GPC6: variants seen among roughly 807,000 people sequenced by gnomAD.
GPC6 encodes glypican 6.
GPC6 carries 14 observed loss-of-function variants against 55.2 expected under a neutral mutation model. The ratio of observed to expected loss-of-function variants is 0.25; its 90% CI spans 0.17 to 0.40. The LOEUF is 0.40. GPC6 is among the 10% of genes least tolerant of loss of function. The pLI, the probability that GPC6 is intolerant of heterozygous loss-of-function variation, is 1.00. For missense variants in GPC6, 641 were observed against 708.5 expected, an observed-to-expected ratio of 0.90 and a Z score of 1.08; for synonymous variants, 278 against 259.6, an observed-to-expected ratio of 1.07 and a Z score of -0.68.
chr13:94,116,853 C>T (rs1041924876), intron 4 of GPC6, among the ~76,000 whole-genome samples: 16 of 151,982 alleles, frequency 1.1e-4, no homozygotes, highest in Non-Finnish European at 1.5e-4. Context: ...CAAGCTGCTG[C>T]CCAGGTTAGG....
intron 7 of GPC6, among the ~76,000 whole-genome samples, chr13:94,391,677 C>T (rs528299104): frequency 1.2e-4 from 18 of 152,258 alleles, no homozygotes; most frequent in East Asian, 1.9e-4. Flanking sequence ...TACCATTGTA[C>T]GATGAATAGT....
intron 4 of GPC6, among the ~76,000 whole-genome samples, chr13:94,041,281 GCCA>G (rs914282580): frequency 1.3e-5 from 2 of 151,792 alleles, no homozygotes; most frequent in Non-Finnish European, 2.9e-5. Context: ...CAGAGGAATA[GCCA>G]CTTGAGAGCT....
At chr13:93,897,056 ATTTTCAGCCAAATTATG>A (rs1876057462) in intron 3 of GPC6, among the ~76,000 whole-genome samples, 1 of 148,130 alleles carries the variant, frequency 6.8e-6, no homozygotes, top group African/African-American at 2.5e-5. Context: ...GTGTGTGTGT[ATTTTCAGCCAAATTATG>A]TTTTTTTATT....
At chr13:93,823,860 A>G (rs1251593254) in intron 2 of GPC6, among the ~76,000 whole-genome samples, 1 of 152,198 alleles carries the variant, frequency 6.6e-6, no homozygotes, top group Non-Finnish European at 1.5e-5. Context: ...AGTTGAGTAA[A>G]TAATAATACT....
intron 4 of GPC6, among the ~76,000 whole-genome samples, chr13:94,120,322 C>G (rs1200496329): frequency 3.9e-5 from 6 of 152,036 alleles, no homozygotes; most frequent in African/African-American, 1.4e-4. Flanking sequence ...TAGGATTCAG[C>G]AGAAAACATT....
At chr13:93,523,075 A>G (rs1312615475) in intron 1 of GPC6, among the ~76,000 whole-genome samples, 1 of 151,328 alleles carries the variant, frequency 6.6e-6, no homozygotes, top group Non-Finnish European at 1.5e-5. Context: ...ATATACATAT[A>G]TGTGTGTAAC....
chr13:94,317,507 A>G (rs149366904), intron 6 of GPC6, among the ~76,000 whole-genome samples: 116 of 152,328 alleles, frequency 7.6e-4, no homozygotes, highest in Non-Finnish European at 2.9e-4. Flanking sequence ...CCCAGAGGCT[A>G]TCTTTAGTGC....
At chr13:93,306,407 A>G (rs1878857528) in intron 1 of GPC6, among the ~76,000 whole-genome samples, 1 of 152,070 alleles carries the variant, frequency 6.6e-6, no homozygotes, top group Admixed American at 6.5e-5. Flanking sequence ...TGTTTGATTC[A>G]TTGTTTAGCT....
chr13:94,022,341 T>C (rs928760627), intron 3 of GPC6, among the ~76,000 whole-genome samples: 1 of 152,098 alleles, frequency 6.6e-6, no homozygotes, highest in Non-Finnish European at 1.5e-5. Flanking sequence ...TCATGCAATA[T>C]TTTTCTTTCT....
At chr13:93,521,725 T>A (rs2590541) in intron 1 of GPC6, among the ~76,000 whole-genome samples, 143,299 of 151,984 alleles carry the variant, frequency 0.94, 68,118 homozygotes, top group East Asian at 1. Flanking sequence ...GCATCATTTC[T>A]TGTGCTAACA....
intron 6 of GPC6, among the ~76,000 whole-genome samples, chr13:94,342,387 C>T (rs904433954): frequency 1.1e-4 from 16 of 152,086 alleles, no homozygotes; most frequent in African/African-American, 3.9e-4. Context: ...AATTTGGACA[C>T]GGAGACCCAG....
intron 2 of GPC6, among the ~76,000 whole-genome samples, chr13:93,604,571 TC>T (rs1878160327): frequency 6.6e-6 from 1 of 152,202 alleles, no homozygotes; most frequent in Non-Finnish European, 1.5e-5. Context: ...ACCTTTTTTT[TC>T]TTGGCCAGAT....
At chr13:93,971,353 G>C (rs544258875) in intron 3 of GPC6, among the ~76,000 whole-genome samples, 10 of 152,138 alleles carry the variant, frequency 6.6e-5, no homozygotes, top group African/African-American at 2.4e-4. Context: ...AACTTTGGAA[G>C]TTTCTTTTAC....
At chr13:94,217,421 G>A (rs531668113) in intron 4 of GPC6, among the ~76,000 whole-genome samples, 4 of 152,254 alleles carry the variant, frequency 2.6e-5, no homozygotes, top group South Asian at 2.1e-4. Context: ...ATTGAAACAG[G>A]AAGTAAACAG....
At chr13:94,103,117 A>G (rs1885927919) in intron 4 of GPC6, among the ~76,000 whole-genome samples, 1 of 152,092 alleles carries the variant, frequency 6.6e-6, no homozygotes. Flanking sequence ...ATTCCCACCT[A>G]TGAGTGAGAA....
chr13:93,469,255 A>G (rs148300210), intron 1 of GPC6, among the ~76,000 whole-genome samples: 32 of 152,172 alleles, frequency 2.1e-4, no homozygotes, highest in African/African-American at 7.2e-4. Flanking sequence ...ATTATTTCTT[A>G]TATTTTTAAA....
At chr13:93,515,244 G>A (rs1261157281) in intron 1 of GPC6, among the ~76,000 whole-genome samples, 5 of 152,068 alleles carry the variant, frequency 3.3e-5, no homozygotes, top group Non-Finnish European at 7.4e-5. Context: ...CCTGGGTCTT[G>A]GAGTTTTCAG....
chr13:94,078,504 G>C lies in GPC6; in HGVS notation c.877+50610G>C, dbSNP rs1028799889. On this transcript the variant is annotated intron_variant, in intron 4 of 8. Coordinates refer to ENST00000377047, the MANE Select transcript of GPC6 (RefSeq NM_005708.5). ...AGATAAAATTGACAAACTAAGAAAA[G>C]GCAGACTAAGATAAAAAGAGAGAAG... Among the ~76,000 whole-genome samples the C allele has an allele frequency of 2.6e-5, 4 of 151,436 alleles. No individual in the cohort carries two copies. In the South Asian group the frequency reaches 6.3e-4, roughly 24 times the overall value.
chr13:93,396,495 G>A (rs545418396), intron 1 of GPC6, among the ~76,000 whole-genome samples: 40 of 152,018 alleles, frequency 2.6e-4, no homozygotes, highest in Admixed American at 1.6e-3. Flanking sequence ...CCCGGGAGGC[G>A]GAGGTTGCAG....
Sources: allele counts gnomAD v4.1 joint callset (sites outside exome capture counted in the v4.1 genomes callset), GRCh38; gene constraint gnomAD v4.1.1; transcripts MANE v1.5; gene names NCBI Gene and HGNC (gene_info 2026-07-23, HGNC 2026-07-21).